The following PDE4B variants were observed in gnomAD, a reference collection of about 807,000 sequenced individuals.
PDE4B encodes phosphodiesterase 4B, also known as 3',5'-cyclic-AMP phosphodiesterase 4B.
A neutral mutation model predicts 82.2 loss-of-function variants in PDE4B; 20 were observed. That is an observed-to-expected ratio of 0.24 (90% CI 0.17 to 0.35). The LOEUF is 0.35. Among genes scored for constraint, PDE4B ranks in the 10% least tolerant of loss-of-function variants. The pLI, the probability that PDE4B is intolerant of heterozygous loss-of-function variation, is 1.00. For missense variants in PDE4B, 655 were observed against 907.2 expected (o/e 0.72, Z 3.57); for synonymous variants, 320 against 318.9 (o/e 1.00, Z -0.04).
At chr1:66,369,090 C>A (rs958818807) in intron 16 of PDE4B, 121 bp downstream of exon 16, 1 of 711,594 alleles carries the variant, frequency 1.4e-6, no homozygotes, top group African/African-American at 1.8e-5. Context: ...GAGACAACTA[C>A]GCATTTTGTT....
intron 3 of PDE4B, among the ~76,000 whole-genome samples, chr1:66,243,372 C>T (rs1557655804): frequency 6.6e-6 from 1 of 152,192 alleles, no homozygotes; most frequent in South Asian, 2.1e-4. Context: ...GTTTACAAGG[C>T]TCTGACCCAG....
chr1:66,100,480 T>G (rs1645200591), intron 3 of PDE4B, among the ~76,000 whole-genome samples: 1 of 152,188 alleles, frequency 6.6e-6, no homozygotes, highest in Non-Finnish European at 1.5e-5. Flanking sequence ...ATGTAAATGC[T>G]TAATAAATAT....
At chr1:65,884,472 A>G (rs1646748842) in intron 1 of PDE4B, among the ~76,000 whole-genome samples, 1 of 152,148 alleles carries the variant, frequency 6.6e-6, no homozygotes, top group Admixed American at 6.6e-5. Flanking sequence ...CTACAAGGCC[A>G]TGGTAACCAA....
chr1:65,826,527 G>T (rs1211013324), intron 1 of PDE4B, among the ~76,000 whole-genome samples: 1 of 152,064 alleles, frequency 6.6e-6, no homozygotes, highest in Non-Finnish European at 1.5e-5. Context: ...TAAGAAAACT[G>T]CCCTTGTTCT....
chr1:66,122,518 G>A lies in PDE4B; in HGVS notation c.282-124942G>A, dbSNP rs111729423. Among the ~76,000 whole-genome samples, 6 of 152,040 alleles carry A rather than the reference G, an allele frequency of 3.9e-5. 2 individuals are homozygous for A. Among genetic ancestry groups the A allele is most frequent in the African/African-American group, 1.4e-4 (6 of 41,452 alleles). ...ATATAATTTGTTAAATGTATTATTG[G>A]ACTATGACTGATTAAGTGGGTTAAT... is the stretch of plus-strand genomic sequence containing the variant. On this transcript the variant is annotated intron_variant, in intron 3 of 16. Transcript: ENST00000341517.
At chr1:65,860,764 T>C (rs1180038007) in intron 1 of PDE4B, among the ~76,000 whole-genome samples, 1 of 152,252 alleles carries the variant, frequency 6.6e-6, no homozygotes, top group Non-Finnish European at 1.5e-5. Flanking sequence ...TGTTATCTCA[T>C]TGTGGTTTTG....
At chr1:66,121,638 T>G (rs1390566484) in intron 3 of PDE4B, among the ~76,000 whole-genome samples, 1 of 152,196 alleles carries the variant, frequency 6.6e-6, no homozygotes, top group Non-Finnish European at 1.5e-5. Flanking sequence ...GTAGAAAATC[T>G]TCCTTTTTAA....
intron 3 of PDE4B, among the ~76,000 whole-genome samples, chr1:66,103,085 A>G (rs551564397): frequency 3.3e-5 from 5 of 152,210 alleles, no homozygotes; most frequent in Non-Finnish European, 5.9e-5. Context: ...CCCTAGGAGA[A>G]CTGAGTTGTA....
At chr1:65,856,401 C>T (rs1272754907) in intron 1 of PDE4B, among the ~76,000 whole-genome samples, 2 of 152,080 alleles carry the variant, frequency 1.3e-5, no homozygotes, top group African/African-American at 4.8e-5. Flanking sequence ...TCTCATTGTT[C>T]AATTCGCACT....
At chr1:66,307,117 G>GAGAGAC (rs961010849) in intron 7 of PDE4B, among the ~76,000 whole-genome samples, 1 of 152,074 alleles carries the variant, frequency 6.6e-6, no homozygotes, top group Non-Finnish European at 1.5e-5. Flanking sequence ...GAGAGGGAGA[G>GAGAGAC]AGAGACAGAG....
chr1:66,144,115 T>A (rs1646224954), intron 3 of PDE4B, among the ~76,000 whole-genome samples: 1 of 152,186 alleles, frequency 6.6e-6, no homozygotes, highest in African/African-American at 2.4e-5. Flanking sequence ...TGAATGGAAG[T>A]TACAAGCCCT....
chr1:65,863,816 G>A (rs1334674226), intron 1 of PDE4B, among the ~76,000 whole-genome samples: 1 of 152,024 alleles, frequency 6.6e-6, no homozygotes, highest in Non-Finnish European at 1.5e-5. Context: ...TCAGAGACTA[G>A]GATTGCAACC....
intron 3 of PDE4B, among the ~76,000 whole-genome samples, chr1:65,967,830 G>A (rs532516228): frequency 1.2e-4 from 19 of 152,042 alleles, no homozygotes; most frequent in Admixed American, 3.3e-4. Flanking sequence ...GAAAACACAT[G>A]GACACAGGGA....
At chr1:66,089,029 C>A (rs1350959853) in intron 3 of PDE4B, among the ~76,000 whole-genome samples, 1 of 152,038 alleles carries the variant, frequency 6.6e-6, no homozygotes, top group Non-Finnish European at 1.5e-5. Context: ...CTGCACTAAG[C>A]CACTGAGATT....
At chr1:66,368,719 G>C (rs1201545592) in intron 15 of PDE4B, 68 bp from the exon 16 acceptor site, 2 of 1,242,712 alleles carry the variant, frequency 1.6e-6, no homozygotes, top group East Asian at 5.0e-5. Flanking sequence ...ACTAGTATGA[G>C]AGGCATGAGA....
chr1:66,315,912 G>C (rs559304860), intron 7 of PDE4B, among the ~76,000 whole-genome samples: 40 of 152,308 alleles, frequency 2.6e-4, no homozygotes, highest in Middle Eastern at 3.4e-3. Flanking sequence ...CTGAGGGCTT[G>C]GTTCTGAGCC....
chr1:65,930,954 T>C (rs1182143540), intron 3 of PDE4B, among the ~76,000 whole-genome samples: 1 of 152,192 alleles, frequency 6.6e-6, no homozygotes, highest in Non-Finnish European at 1.5e-5. Context: ...CTCACTCAAA[T>C]CTCATGTTCA....
intron 3 of PDE4B, among the ~76,000 whole-genome samples, chr1:66,047,159 C>T (rs1410692253): frequency 2.0e-5 from 3 of 151,646 alleles, no homozygotes; most frequent in Non-Finnish European, 4.4e-5. Context: ...GCTTTCTGTT[C>T]TTCCTTTGAG....
intron 3 of PDE4B, among the ~76,000 whole-genome samples, chr1:66,218,031 G>C (rs896824585): frequency 6.6e-6 from 1 of 152,100 alleles, no homozygotes; most frequent in Non-Finnish European, 1.5e-5. Flanking sequence ...TGATTTGATG[G>C]AGGAGAAATT....
Sources: gnomAD v4.1 joint callset for allele counts (sites outside exome capture counted in the v4.1 genomes callset) on GRCh38, gnomAD v4.1.1 for gene constraint, MANE v1.5 for transcripts, NCBI Gene and HGNC (gene_info 2026-07-23, HGNC 2026-07-21) for gene names.